The following MCMBP variants were observed in gnomAD, a reference collection of about 807,000 sequenced individuals.
The protein encoded by MCMBP is minichromosome maintenance complex binding protein.
In MCMBP, 31 loss-of-function variants were observed where a neutral mutation model predicts 81.3. The observed-to-expected ratio is 0.38, with a 90% CI of 0.29 to 0.51. The LOEUF (loss-of-function observed/expected upper bound fraction) is 0.51, where lower values mean the gene tolerates loss of function less well. MCMBP is among the 20% of genes least tolerant of loss of function. MCMBP has a pLI of 0.87. For missense variants in MCMBP, 645 were observed against 772.1 expected (o/e 0.84, Z 1.95); for synonymous variants, 267 against 275.9 (o/e 0.97, Z 0.32).
intron 5 of MCMBP, among the ~76,000 whole-genome samples, chr10:119,855,407 C>T (rs1436829496): frequency 1.3e-5 from 2 of 152,204 alleles, no homozygotes; most frequent in Non-Finnish European, 2.9e-5. Context: ...CGCGGTGGCT[C>T]ACGCCTGTAA....
intron 1 of MCMBP, among the ~76,000 whole-genome samples, chr10:119,867,625 C>T (rs548671117): frequency 7.9e-5 from 12 of 151,966 alleles, no homozygotes; most frequent in Non-Finnish European, 1.5e-4. Context: ...TGCTAGCTAG[C>T]GTGGGTTGGA....
chr10:119,869,173 C>T (rs933785889), intron 1 of MCMBP, among the ~76,000 whole-genome samples: 4 of 152,160 alleles, frequency 2.6e-5, no homozygotes, highest in South Asian at 2.1e-4. Context: ...GGGTCGGGCG[C>T]GGTGGCTCAC....
intron 12 of MCMBP, among the ~76,000 whole-genome samples, chr10:119,837,353 C>T (rs543843656): frequency 2.0e-5 from 3 of 152,184 alleles, no homozygotes; most frequent in African/African-American, 7.2e-5. Flanking sequence ...CTAAAACTAC[C>T]GTCATACATA....
chr10:119,834,129 G>A lies in MCMBP; in HGVS notation c.1707+1411C>T, dbSNP rs369647835. ...TAAATGCAACATCAGATACACAGTGGTAGTGTCAGAAGGAGAGCAGAGAGA... is the reference window on the plus strand; with the variant it reads ...TAAATGCAACATCAGATACACAGTGATAGTGTCAGAAGGAGAGCAGAGAGA... On this transcript the variant is annotated intron_variant, in intron 14 of 15. Coordinates refer to ENST00000369077, the MANE Select transcript of MCMBP (RefSeq NM_001256378.2). Among the ~76,000 whole-genome samples, 363 of 152,268 alleles carry A rather than the reference G, an allele frequency of 2.4e-3. 18 individuals are homozygous for A. The South Asian group carries it at 0.072, about 30-fold the overall frequency.
In MCMBP at chr10:119,831,316, A is replaced by G. The variant is rs1165465485; in HGVS notation, c.*158T>C. ...TCAGTAAGGTAAAAGTCCTTACTGA[A>G]TATCATATAAACATCAGGTGTTACC... On this transcript the variant is annotated 3_prime_UTR_variant, in exon 16 of 16. Coordinates refer to ENST00000369077, the MANE Select transcript of MCMBP (RefSeq NM_001256378.2). The G allele has an allele frequency of 1.2e-5, 8 of 685,980 alleles. No homozygotes were observed. The highest frequency in any genetic ancestry group is 1.8e-5 in the Non-Finnish European group (8 of 439,950). 42.5% of individuals were successfully genotyped at this position (685,980 alleles called of 1,614,324 possible). A position where few individuals can be genotyped will look rare whatever the true frequency, so the allele number is the denominator to read the frequency against.
chr10:119,836,756 AGTTTTTTTT>A, intron 13 of MCMBP, 131 bp downstream of exon 13: 5 of 581,236 alleles, frequency 8.6e-6, no homozygotes, highest in African/African-American at 2.5e-5. Context: ...CAGCAGTCAC[AGTTTTTTTT>A]TTTTTTTTTT....
chr10:119,859,082 T>C lies in MCMBP; in HGVS notation c.244A>G (p.Met82Val), dbSNP rs760537043. The change falls in exon 3 of 16, where the codon ATG (methionine) becomes GTG (valine). Residue 82 changes from methionine (M) to valine (V), a missense_variant. Transcript: ENST00000369077. ...TGGTTAACCGTTTCATAAACTCCCA[T>C]GTAAAACTCAGGGTCAAACATATCC... ...IQDMFDPEFY[M>V]GVYETVNQNT... 3.7e-6 allele frequency: 6 copies of C among 1,613,960 alleles called. No homozygotes were observed. Among genetic ancestry groups the C allele is most frequent in the Non-Finnish European group, 5.1e-6 (6 of 1,179,916 alleles).
rs1853101480 is a variant in MCMBP at position 119,857,670 on chromosome 10, G to C, written c.328-231C>G. 1.7e-5 allele frequency: 6 copies of C among 355,138 alleles called. No individual in the cohort carries two copies. The South Asian group carries it at 2.3e-4, about 14-fold the overall frequency. The allele number at this position is 355,138 out of a possible 1,614,324, so 22.0% of individuals were successfully genotyped here. Reference sequence around the variant, plus strand: ...TCAAATCCAGAAAAATGGGACCTCTGGAGTGACTTATAATCTGGGTCTAGT... The same window carrying C: ...TCAAATCCAGAAAAATGGGACCTCTCGAGTGACTTATAATCTGGGTCTAGT... On this transcript the variant is annotated intron_variant, in intron 4 of 15. Transcript: ENST00000369077.
intron 10 of MCMBP, 119 bp from the exon 11 acceptor site, chr10:119,841,079 A>C (rs1010265220): frequency 2.8e-5 from 19 of 690,022 alleles, no homozygotes; most frequent in Non-Finnish European, 4.5e-5. Context: ...GAATATTCTG[A>C]CCAGTTATTT....
chr10:119,845,699 C>T (rs928148902), intron 8 of MCMBP, among the ~76,000 whole-genome samples: 14 of 152,124 alleles, frequency 9.2e-5, no homozygotes, highest in African/African-American at 1.2e-4. Flanking sequence ...GCTCTGACTA[C>T]ACAGCTGCAT....
At chr10:119,860,564 T>C (rs938165614) in intron 1 of MCMBP, among the ~76,000 whole-genome samples, 9 of 152,214 alleles carry the variant, frequency 5.9e-5, no homozygotes, top group African/African-American at 2.2e-4. Flanking sequence ...ATTTATCATA[T>C]GACCCAATAC....
At position 119,831,438 on chromosome 10, in the gene MCMBP, A is replaced by G. The variant is rs755823346; in HGVS notation, c.*36T>C. 1.9e-6 allele frequency: 3 copies of G among 1,609,352 alleles called. No individual in the cohort carries two copies. Among genetic ancestry groups the G allele is most frequent in the Admixed American group, 3.4e-5 (2 of 59,394 alleles). ...ATCTGAATTTTACAATTATGTGGCT[A>G]CAGTTTGCCCATTACTCTTCATAGG... On this transcript the variant is annotated 3_prime_UTR_variant, in exon 16 of 16. Transcript: ENST00000369077.
chr10:119,873,446 C>G (rs1041827665), upstream of MCMBP: 1 of 152,026 alleles, frequency 6.6e-6, no homozygotes, highest in Non-Finnish European at 1.5e-5. Context: ...GGCGGGCGCT[C>G]TAAACGCTCC....
At chr10:119,860,692 A>G (rs1033327537) in intron 1 of MCMBP, among the ~76,000 whole-genome samples, 4 of 152,204 alleles carry the variant, frequency 2.6e-5, no homozygotes, top group Non-Finnish European at 4.4e-5. Context: ...TGCAAACTTT[A>G]TATTTCATGA....
chr10:119,833,232 CAA>C (rs1852111166), intron 14 of MCMBP, among the ~76,000 whole-genome samples: 1 of 152,066 alleles, frequency 6.6e-6, no homozygotes, highest in Non-Finnish European at 1.5e-5. Flanking sequence ...TAGAATTAGT[CAA>C]AAAAGTTACT....
intron 7 of MCMBP, among the ~76,000 whole-genome samples, chr10:119,847,967 A>G (rs1852675477): frequency 6.6e-6 from 1 of 152,116 alleles, no homozygotes; most frequent in African/African-American, 2.4e-5. Flanking sequence ...ACAAAAAAAA[A>G]AGGCTTTTCC....
At chr10:119,836,226 G>GTA (rs1852237667) in intron 13 of MCMBP, among the ~76,000 whole-genome samples, 1 of 152,120 alleles carries the variant, frequency 6.6e-6, no homozygotes, top group Non-Finnish European at 1.5e-5. Context: ...TTCCTCAATG[G>GTA]TATCAGTAAG....
At chr10:119,833,357 T>C (rs947940748) in intron 14 of MCMBP, among the ~76,000 whole-genome samples, 3 of 151,916 alleles carry the variant, frequency 2.0e-5, no homozygotes, top group Non-Finnish European at 4.4e-5. Context: ...AAATGTCTGG[T>C]TGTGGCTAGA....
At chr10:119,852,942 T>A in intron 6 of MCMBP, 108 bp downstream of exon 6, 5 of 1,345,484 alleles carry the variant, frequency 3.7e-6, no homozygotes, top group Non-Finnish European at 5.2e-6. Flanking sequence ...GTAACTCTGA[T>A]AAATTGCCAG....
Sources: allele counts gnomAD v4.1 joint callset (sites outside exome capture counted in the v4.1 genomes callset), GRCh38; gene constraint gnomAD v4.1.1; transcripts MANE v1.5; gene names NCBI Gene and HGNC (gene_info 2026-07-23, HGNC 2026-07-21).